Variants in AGBL2 observed in about 807,000 individuals in gnomAD.
The protein encoded by AGBL2 is cytosolic carboxypeptidase 2.
AGBL2 carries 87 observed loss-of-function variants against 103.0 expected under a neutral mutation model. The ratio of observed to expected loss-of-function variants is 0.84; its 90% CI spans 0.71 to 1.01. The LOEUF is 1.01. AGBL2 is among the 50% of genes least tolerant of loss of function. The pLI, the probability that AGBL2 is intolerant of heterozygous loss-of-function variation, is 0.00. For missense variants in AGBL2, 904 were observed against 1,023.5 expected (o/e 0.88, Z 1.59); for synonymous variants, 335 against 356.7 (o/e 0.94, Z 0.69).
At chr11:47,684,457 T>C (rs1009986505) in intron 11 of AGBL2, among the ~76,000 whole-genome samples, 1 of 149,266 alleles carries the variant, frequency 6.7e-6, no homozygotes. Flanking sequence ...CTCGGGAGGC[T>C]GAGGCAGAGA....
intron 4 of AGBL2, among the ~76,000 whole-genome samples, chr11:47,708,849 T>A (rs1049402074): frequency 6.7e-6 from 1 of 149,096 alleles, no homozygotes; most frequent in Non-Finnish European, 1.5e-5. Context: ...TGGCTGGGTG[T>A]GTTGGCTCGC....
At chr11:47,692,301 A>C (rs1215436047) in intron 8 of AGBL2, 45 bp from the exon 9 acceptor site, 4 of 1,571,842 alleles carry the variant, frequency 2.5e-6, no homozygotes, top group Non-Finnish European at 3.5e-6. Context: ...CTCAGAATCC[A>C]CTCATTCAGC....
chr11:47,673,386 G>C (rs2097363254), intron 14 of AGBL2, among the ~76,000 whole-genome samples: 1 of 152,060 alleles, frequency 6.6e-6, no homozygotes, highest in Admixed American at 6.6e-5. Context: ...AGGACTTTGG[G>C]AGGCCGAGGT....
chr11:47,689,505 A>G (rs1396578186), intron 10 of AGBL2, among the ~76,000 whole-genome samples: 1 of 151,890 alleles, frequency 6.6e-6, no homozygotes, highest in African/African-American at 2.4e-5. Flanking sequence ...GGGTTTCGCC[A>G]TGTTGGCCAG....
At chr11:47,675,548 C>T (rs2097372196) in intron 14 of AGBL2, among the ~76,000 whole-genome samples, 1 of 151,816 alleles carries the variant, frequency 6.6e-6, no homozygotes, top group African/African-American at 2.4e-5. Context: ...GCCACCACAC[C>T]CAGCTAATTT....
intron 3 of AGBL2, 24 bp downstream of exon 3, chr11:47,714,260 T>C: frequency 3.1e-6 from 5 of 1,595,676 alleles, no homozygotes; most frequent in Non-Finnish European, 4.3e-6. Flanking sequence ...GGAAAGGTGA[T>C]ACTAGATAAG....
At chr11:47,711,574 A>T (rs1258170758) in intron 3 of AGBL2, among the ~76,000 whole-genome samples, 1 of 152,116 alleles carries the variant, frequency 6.6e-6, no homozygotes, top group African/African-American at 2.4e-5. Flanking sequence ...TTGAAACTTC[A>T]ACAATCTGGA....
intron 15 of AGBL2, among the ~76,000 whole-genome samples, chr11:47,668,246 C>G (rs1243019465): frequency 6.8e-6 from 1 of 146,626 alleles, no homozygotes; most frequent in Non-Finnish European, 1.5e-5. Flanking sequence ...CAGCAGCTCA[C>G]GCCTATATTC....
At position 47,699,544 on chromosome 11, in the gene AGBL2, G is replaced by A. The variant is rs978075460; in HGVS notation, c.596C>T (p.Pro199Leu). 6 of 1,592,390 alleles carry A rather than the reference G, an allele frequency of 3.8e-6. No individual in the cohort carries two copies. The highest frequency in any genetic ancestry group is 4.3e-6 in the Non-Finnish European group (5 of 1,166,384). ...KENIHHIEWAPPQPEYFYQPK... is the reference protein window; with the variant it reads ...KENIHHIEWALPQPEYFYQPK... ...CTGATAGAAATATTCTGGTTGAGGT[G>A]GAGCCCACTCTGAAAGAAGACATTT... Residue 199 changes from proline (P) to leucine (L), a missense_variant, in exon 8 of 19, where the codon CCA (proline) becomes CTA (leucine). Pro to Leu is a moderately conservative substitution (Grantham distance 98). Transcript: ENST00000525123.
At chr11:47,671,697 A>G (rs150202750) in intron 14 of AGBL2, among the ~76,000 whole-genome samples, 1 of 152,284 alleles carries the variant, frequency 6.6e-6, no homozygotes, top group African/African-American at 2.4e-5. Flanking sequence ...GAAAGACAGC[A>G]GGAAGAAAAC....
In AGBL2 at chr11:47,688,173, G is replaced by T. The variant is rs60566381; in HGVS notation, c.1631+1903C>A. On this transcript the variant is annotated intron_variant, in intron 10 of 18. Transcript: ENST00000525123. ...GGGGTCTCACTGTGTTGCTCAGGCT[G>T]GTCTCCAACTCCTGGGCTCAAGTGA... 9.0e-4 allele frequency among the ~76,000 whole-genome samples: 137 copies of T among 152,116 alleles called. 2 individuals carry two copies. Among genetic ancestry groups the T allele is most frequent in the African/African-American group, 3.2e-3 (134 of 41,494 alleles).
At chr11:47,668,534 C>G (rs983581848) in intron 15 of AGBL2, among the ~76,000 whole-genome samples, 3 of 152,010 alleles carry the variant, frequency 2.0e-5, no homozygotes, top group Non-Finnish European at 4.4e-5. Flanking sequence ...TACTAATAAC[C>G]AAATATCTGT....
At chr11:47,669,195 G>A (rs1180777721) in intron 14 of AGBL2, among the ~76,000 whole-genome samples, 1 of 152,144 alleles carries the variant, frequency 6.6e-6, no homozygotes, top group Non-Finnish European at 1.5e-5. Flanking sequence ...AGCCTTCTGA[G>A]CAACTGAGAC....
At chr11:47,704,513 A>T in intron 7 of AGBL2, 30 bp downstream of exon 7, 1 of 1,540,746 alleles carries the variant, frequency 6.5e-7, no homozygotes, top group Non-Finnish European at 8.8e-7. Context: ...CAGGCAGAAT[A>T]GCAAGACCAC....
Position 47,667,632 on chromosome 11 carries a change from C to T in AGBL2, c.2279G>A (p.Arg760Gln), listed in dbSNP as rs755965090. ...KKKSLQTRKQ[R>Q]NEQYQKKNLM... Reference sequence around the variant, plus strand: ...ATTTTTTTTCTGATACTGCTCATTTCGCTGTTTCCTAGTCTGAAGTGACTT... The same window carrying T: ...ATTTTTTTTCTGATACTGCTCATTTTGCTGTTTCCTAGTCTGAAGTGACTT... Residue 760 changes from arginine to glutamine, a missense_variant, in exon 16 of 19, where the codon CGA becomes CAA. Coordinates refer to ENST00000525123, the MANE Select transcript of AGBL2 (RefSeq NM_024783.4). The T allele has an allele frequency of 1.4e-5, 22 of 1,613,616 alleles. No homozygotes were observed. Among genetic ancestry groups the T allele is most frequent in the South Asian group, 6.6e-5 (6 of 91,080 alleles).
intron 7 of AGBL2, among the ~76,000 whole-genome samples, chr11:47,702,630 C>T (rs2097503286): frequency 6.6e-6 from 1 of 151,740 alleles, no homozygotes; most frequent in African/African-American, 2.4e-5. Flanking sequence ...AATCCCAGCA[C>T]TTTGGGAGGC....
Position 47,680,075 on chromosome 11 carries a change from T to C in AGBL2, c.1916-2A>G, listed in dbSNP as rs1213385161. ...TAAAGTGGGTGTCTCTTTTATTACC[T>C]GGAAAAAAAAAAAACCCCGCAAACA... On this transcript the variant is annotated splice_acceptor_variant, in intron 12 of 18. Transcript: ENST00000525123. LOFTEE classifies it high-confidence loss of function. 2.0e-6 allele frequency: 3 copies of C among 1,521,722 alleles called. No individual in the cohort carries two copies. The highest frequency in any genetic ancestry group is 1.4e-5 in the African/African-American group (1 of 71,088). The allele number at this position is 1,521,722 out of a possible 1,614,324, so 94.3% of individuals were successfully genotyped here. A position where few individuals can be genotyped will look rare whatever the true frequency, so the allele number is the denominator to read the frequency against.
At chr11:47,714,778 A>G (rs946100508) in intron 1 of AGBL2, 28 bp from the exon 2 acceptor site, 1 of 969,372 alleles carries the variant, frequency 1.0e-6, no homozygotes, top group East Asian at 2.4e-5. Context: ...GACAAGTGAA[A>G]AAACTGCCAA....
Position 47,690,224 on chromosome 11 carries a change from A to G in AGBL2, c.1483T>C (p.Phe495Leu), listed in dbSNP as rs1211504790. Residue 495 changes from phenylalanine to leucine, a missense_variant, in exon 10 of 19, where the codon TTC (phenylalanine) becomes CTC (leucine). By Grantham distance (22) the Phe-to-Leu change is conservative. Transcript: ENST00000525123. ...DAQLLRDIFV[F>L]KVLPMLNPDG... ...GGATTTAACATGGGAAGCACCTTGA[A>G]GACAAAAATATCTCTGAGGAGCTGG... is the stretch of plus-strand genomic sequence containing the variant. 1 of 1,614,056 alleles carries G rather than the reference A, an allele frequency of 6.2e-7. No homozygotes were observed. The highest frequency in any genetic ancestry group is 2.2e-5 in the East Asian group (1 of 44,892).
Sources: gnomAD v4.1 joint callset for allele counts (sites outside exome capture counted in the v4.1 genomes callset) on GRCh38, gnomAD v4.1.1 for gene constraint, MANE v1.5 for transcripts, NCBI Gene and HGNC (gene_info 2026-07-23, HGNC 2026-07-21) for gene names.